Variants in PIP4K2B observed in about 807,000 individuals in gnomAD.
The protein encoded by PIP4K2B is phosphatidylinositol 5-phosphate 4-kinase type-2 beta.
PIP4K2B carries 3 observed loss-of-function variants against 42.0 expected under a neutral mutation model. That is an observed-to-expected ratio of 0.07 (90% confidence interval 0.03 to 0.18). PIP4K2B has a LOEUF of 0.18. PIP4K2B is among the 10% of genes least tolerant of loss of function. The probability of loss-of-function intolerance (pLI) is 1.00; values close to 1 mark genes in which losing one functional copy is unlikely to be tolerated. For synonymous variants in PIP4K2B, 204 were observed against 210.1 expected (o/e 0.97, Z 0.25); for missense variants, 332 against 562.3 (o/e 0.59, Z 4.14).
intron 3 of PIP4K2B, among the ~76,000 whole-genome samples, chr17:38,782,585 C>A (rs1403653555): frequency 6.6e-6 from 1 of 152,200 alleles, no homozygotes; most frequent in Non-Finnish European, 1.5e-5. Context: ...AGGAACCTCC[C>A]AGTACCTCTT....
chr17:38,785,858 AC>A (rs1166153226), intron 2 of PIP4K2B, among the ~76,000 whole-genome samples: 1 of 152,152 alleles, frequency 6.6e-6, no homozygotes, highest in African/African-American at 2.4e-5. Flanking sequence ...CACTTCGAGA[AC>A]CCGGACCTCT....
In PIP4K2B at chr17:38,777,718, T is replaced by C; in HGVS notation, c.776A>G (p.Asn259Ser). ...KLHVGEESKK[N>S]FLEKLKRDVE... ...GTCCCGCTTCAGTTTCTCCAGGAAG[T>C]TCTTTTTACTCTCCTCTCCCACATG... Residue 259 changes from asparagine (N) to serine (S), a missense_variant, in exon 7 of 10, where the codon AAC (asparagine) becomes AGC (serine). Asn to Ser is a conservative substitution (Grantham distance 46). This residue lies in a region of PIP4K2B where 26 missense variants were observed against 23.7 expected (regional missense o/e 1.10). Coordinates refer to ENST00000619039, the MANE Select transcript of PIP4K2B (RefSeq NM_003559.5). 1 of 1,613,954 alleles carries C rather than the reference T, an allele frequency of 6.2e-7. No homozygotes were observed. Among genetic ancestry groups the C allele is most frequent in the South Asian group, 1.1e-5 (1 of 91,080 alleles).
In PIP4K2B at chr17:38,799,287, C is replaced by G; in HGVS notation, c.138G>C (p.Leu46=). The change falls in exon 1 of 10, where the codon CTG becomes CTC. Residue 46 remains leucine (L), a synonymous_variant. Transcript: ENST00000619039. The surrounding 1 kb of genome is among the most constrained non-coding windows in gnomAD (Gnocchi z 4.4). ...TTACCGTGTGGTTCACCCCCCACAT[C>G]AGGACGCTGAGGATCGGCTCGCTGG... ...FRASEPILSV[L]MWGVNHTINE... 2 of 1,606,042 alleles carry G rather than the reference C, an allele frequency of 1.2e-6. No individual in the cohort carries two copies. Among genetic ancestry groups the G allele is most frequent in the South Asian group, 1.1e-5 (1 of 90,250 alleles).
Position 38,784,257 on chromosome 17 carries a change from C to A in PIP4K2B, c.340G>T (p.Asp114Tyr), listed in dbSNP as rs1193503298. ...RNLRERFGID[D>Y]QDYQNSVTRS... is the part of the protein sequence containing the mutation. Reference sequence around the variant, plus strand: ...AGCCTCCATACCTGGTAATCCTGATCATCAATTCCAAACCTCTCCCGAAGG... The same window carrying A: ...AGCCTCCATACCTGGTAATCCTGATAATCAATTCCAAACCTCTCCCGAAGG... The change falls in exon 3 of 10, where the codon GAT (aspartate) becomes TAT (tyrosine). Residue 114 changes from aspartate (D) to tyrosine (Y), a missense_variant. By Grantham distance (160) the Asp-to-Tyr change is radical. Transcript: ENST00000619039. 1 of 1,608,652 alleles carries A rather than the reference C, an allele frequency of 6.2e-7. No individual in the cohort carries two copies. The highest frequency in any genetic ancestry group is 8.5e-7 in the Non-Finnish European group (1 of 1,175,118).
chr17:38,770,903 G>A, intron 8 of PIP4K2B, 111 bp downstream of exon 8: 1 of 1,249,248 alleles, frequency 8.0e-7, no homozygotes, highest in Non-Finnish European at 1.1e-6. Context: ...GAGGTCAAAG[G>A]CAGCAATGAA....
intron 2 of PIP4K2B, 59 bp from the exon 3 acceptor site, chr17:38,784,398 AT>A: frequency 2.2e-6 from 2 of 909,112 alleles, no homozygotes; most frequent in Non-Finnish European, 3.5e-6. Flanking sequence ...TAATTCTATT[AT>A]TATTATTATT....
At chr17:38,788,526 A>T (rs79400962) in intron 1 of PIP4K2B, among the ~76,000 whole-genome samples, 5,785 of 151,900 alleles carry the variant, frequency 0.038, 195 homozygotes, top group African/African-American at 0.094. Context: ...AGCAGTAGTA[A>T]ATGTCTGGCC....
intron 6 of PIP4K2B, 88 bp downstream of exon 6, chr17:38,778,246 G>A: frequency 1.7e-6 from 2 of 1,171,842 alleles, no homozygotes; most frequent in Non-Finnish European, 2.6e-6. Context: ...GCTGGGCTAG[G>A]GGCTGGGGTG....
At chr17:38,777,217 C>G (rs1057005546) in intron 7 of PIP4K2B, among the ~76,000 whole-genome samples, 3 of 152,136 alleles carry the variant, frequency 2.0e-5, no homozygotes, top group Non-Finnish European at 2.9e-5. Flanking sequence ...GTGTGTGCCC[C>G]TACGCCTGGC....
intron 9 of PIP4K2B, 68 bp from the exon 10 acceptor site, chr17:38,769,839 G>C: frequency 7.0e-7 from 1 of 1,425,080 alleles, no homozygotes; most frequent in Non-Finnish European, 9.9e-7. Flanking sequence ...CACATGGGGG[G>C]AGCCAGGGTA....
intron 7 of PIP4K2B, among the ~76,000 whole-genome samples, chr17:38,772,487 G>C (rs931260599): frequency 6.6e-6 from 1 of 152,188 alleles, no homozygotes; most frequent in Non-Finnish European, 1.5e-5. Flanking sequence ...TTGTATCACA[G>C]TGCTTGTATT....
rs945516081 is a variant in PIP4K2B at position 38,767,089 on chromosome 17, T to G, written c.*2602A>C. On this transcript the variant is annotated 3_prime_UTR_variant, in exon 10 of 10. Coordinates refer to ENST00000619039, the MANE Select transcript of PIP4K2B (RefSeq NM_003559.5). ...ACATTATTCTGAGATGCCATGAGAC[T>G]GTTTAGCTTTTCTTCATGGCCCCAG... 11 of 152,252 alleles carry G rather than the reference T, an allele frequency of 7.2e-5. No homozygotes were observed. The highest frequency in any genetic ancestry group is 2.2e-4 in the African/African-American group (9 of 41,456). 9.4% of individuals were successfully genotyped at this position (152,252 alleles called of 1,614,324 possible). A position where few individuals can be genotyped will look rare whatever the true frequency, so the allele number is the denominator to read the frequency against.
At position 38,768,282 on chromosome 17, in the gene PIP4K2B, G is replaced by A. The variant is rs1194334250; in HGVS notation, c.*1409C>T. The A allele has an allele frequency of 6.6e-6, 1 of 152,362 alleles. No homozygotes were observed. The highest frequency in any genetic ancestry group is 2.4e-5 in the African/African-American group (1 of 41,470). 9.4% of individuals were successfully genotyped at this position (152,362 alleles called of 1,614,324 possible). A position where few individuals can be genotyped will look rare whatever the true frequency, so the allele number is the denominator to read the frequency against. On this transcript the variant is annotated 3_prime_UTR_variant, in exon 10 of 10. Coordinates refer to ENST00000619039, the MANE Select transcript of PIP4K2B (RefSeq NM_003559.5). Reference sequence around the variant, plus strand: ...TTCTCTCCTGGCCAGAGCAGCCTGTGGCTCAGTTCTGAGGGCCTGGGTGGC... The same window carrying A: ...TTCTCTCCTGGCCAGAGCAGCCTGTAGCTCAGTTCTGAGGGCCTGGGTGGC...
chr17:38,775,970 T>C (rs1362922947), intron 7 of PIP4K2B: 5 of 449,548 alleles, frequency 1.1e-5, no homozygotes, highest in Non-Finnish European at 1.8e-5. Context: ...GGACAACTGC[T>C]GTTTGCTTCC....
At chr17:38,785,604 G>A (rs1484536878) in intron 2 of PIP4K2B, among the ~76,000 whole-genome samples, 1 of 152,134 alleles carries the variant, frequency 6.6e-6, no homozygotes, top group East Asian at 1.9e-4. Context: ...ACTTGAACCC[G>A]GGAGGCAGAG....
In PIP4K2B at chr17:38,777,813, C is replaced by A; in HGVS notation, c.694-13G>T. ...GCAAGTCCTTGGCCTAGGAGAGCAA[C>A]AGCAGTTAGGCTGGGTAAGCCTGAT... On this transcript the variant is annotated splice_polypyrimidine_tract_variant and intron_variant, in intron 6 of 9. Coordinates refer to ENST00000619039, the MANE Select transcript of PIP4K2B (RefSeq NM_003559.5). The A allele has an allele frequency of 6.3e-7, 1 of 1,581,904 alleles. No individual in the cohort carries two copies. The highest frequency in any genetic ancestry group is 8.7e-7 in the Non-Finnish European group (1 of 1,150,628).
intron 7 of PIP4K2B, among the ~76,000 whole-genome samples, chr17:38,774,046 C>T (rs116405692): frequency 2.2e-3 from 328 of 152,298 alleles, no homozygotes; most frequent in African/African-American, 7.5e-3. Context: ...ACTAAGGAAA[C>T]GCTTCCTAGC....
intron 1 of PIP4K2B, among the ~76,000 whole-genome samples, chr17:38,791,585 T>C (rs1004499193): frequency 6.0e-5 from 9 of 150,748 alleles, no homozygotes; most frequent in African/African-American, 1.9e-4. Flanking sequence ...AATTTTGTAT[T>C]TTTAGTAGAG....
chr17:38,793,507 C>G (rs1242659338), intron 1 of PIP4K2B, among the ~76,000 whole-genome samples: 2 of 151,952 alleles, frequency 1.3e-5, no homozygotes, highest in Non-Finnish European at 2.9e-5. Context: ...GCCTCCCTAA[C>G]TGCTGGGATT....
Sources: gnomAD v4.1 joint callset for allele counts (sites outside exome capture counted in the v4.1 genomes callset) on GRCh38, gnomAD v4.1.1 for gene constraint, gnomAD v4.1.1 regional missense constraint, Gnocchi (gnomAD v3.1) non-coding constraint, MANE v1.5 for transcripts, NCBI Gene and HGNC (gene_info 2026-07-23, HGNC 2026-07-21) for gene names.